Variants in SLIT3 observed in about 807,000 individuals in gnomAD.
SLIT3 encodes slit guidance ligand 3, also known as slit homolog 3 protein.
In SLIT3, 68 loss-of-function variants were observed where a neutral mutation model predicts 184.0. That is an observed-to-expected ratio of 0.37 (90% CI 0.30 to 0.45). The LOEUF (loss-of-function observed/expected upper bound fraction) is 0.45, where lower values mean the gene tolerates loss of function less well. Ranked by LOEUF, SLIT3 falls within the 20% of genes least tolerant of loss-of-function variation. The pLI is 1.00. For missense variants in SLIT3, 1,707 were observed against 2,026.0 expected, an observed-to-expected ratio of 0.84 and a Z score of 3.02; for synonymous variants, 831 against 828.6, an observed-to-expected ratio of 1.00 and a Z score of -0.05.
intron 18 of SLIT3, among the ~76,000 whole-genome samples, chr5:168,749,869 G>T (rs1754640391): frequency 6.6e-6 from 1 of 152,166 alleles, no homozygotes; most frequent in African/African-American, 2.4e-5. Context: ...CTGGCTGTGT[G>T]AACTGCCTTT....
chr5:168,715,993 G>A (rs1762714763), intron 23 of SLIT3, among the ~76,000 whole-genome samples: 3 of 149,000 alleles, frequency 2.0e-5, no homozygotes, highest in African/African-American at 7.5e-5. Flanking sequence ...TTTTCAGACA[G>A]AGTCTCACTC....
At chr5:168,671,978 C>T (rs1271194097) in intron 33 of SLIT3, among the ~76,000 whole-genome samples, 1 of 152,212 alleles carries the variant, frequency 6.6e-6, no homozygotes, top group Non-Finnish European at 1.5e-5. Flanking sequence ...CTTTGGGGTT[C>T]AGGGTTTTTA....
At chr5:168,890,137 T>TA (rs56267999) in intron 4 of SLIT3, among the ~76,000 whole-genome samples, 46,165 of 98,334 alleles carry the variant, frequency 0.47, 10,811 homozygotes, top group East Asian at 0.58. Flanking sequence ...AGACTCCATC[T>TA]AAAAAAAAAA....
intron 5 of SLIT3, among the ~76,000 whole-genome samples, chr5:168,880,913 T>C (rs1022930563): frequency 2.6e-5 from 4 of 152,212 alleles, no homozygotes; most frequent in South Asian, 2.1e-4. Flanking sequence ...AACATTTTCT[T>C]GTATGTACAT....
In SLIT3 at chr5:168,666,561, G is replaced by T; in HGVS notation, c.4465C>A (p.Pro1489Thr). 6.2e-7 allele frequency: 1 copy of T among 1,614,018 alleles called. No homozygotes were observed. Among genetic ancestry groups the T allele is most frequent in the Non-Finnish European group, 8.5e-7 (1 of 1,179,950 alleles). Residue 1489 changes from proline (P) to threonine (T), a missense_variant, in exon 36 of 36, where the codon CCC (proline) becomes ACC (threonine). Transcript: ENST00000519560. ...TATTTCCGCCGCTTGCTGCGGGTGGGCTGGCAGCACTGGGGCCCACAGCCC... is the reference window on the plus strand; with the variant it reads ...TATTTCCGCCGCTTGCTGCGGGTGGTCTGGCAGCACTGGGGCCCACAGCCC... ...RGGCGPQCCQ[P>T]TRSKRRKYVF...
intron 12 of SLIT3, among the ~76,000 whole-genome samples, chr5:168,780,623 T>G (rs1334532768): frequency 6.6e-6 from 1 of 152,260 alleles, no homozygotes; most frequent in African/African-American, 2.4e-5. Context: ...GAACGCTTAG[T>G]GAAGACACCA....
At chr5:168,755,193 C>T (rs1284365911) in intron 16 of SLIT3, among the ~76,000 whole-genome samples, 1 of 152,114 alleles carries the variant, frequency 6.6e-6, no homozygotes, top group Non-Finnish European at 1.5e-5. Context: ...AACTAACTTG[C>T]TTGCAGTCAC....
intron 4 of SLIT3, among the ~76,000 whole-genome samples, chr5:169,151,781 C>G (rs1581463354): frequency 6.6e-6 from 1 of 152,150 alleles, no homozygotes; most frequent in African/African-American, 2.4e-5. Flanking sequence ...TGGGCACATC[C>G]CTCAGTGGTC....
intron 3 of SLIT3, among the ~76,000 whole-genome samples, chr5:169,238,930 A>G (rs1765297365): frequency 6.6e-6 from 1 of 152,166 alleles, no homozygotes; most frequent in Non-Finnish European, 1.5e-5. Flanking sequence ...TCCAATGAGT[A>G]GAGATGGGTA....
At chr5:168,666,922 A>G in intron 35 of SLIT3, 1 of 673,424 alleles carries the variant, frequency 1.5e-6, no homozygotes, top group Non-Finnish European at 2.6e-6. Flanking sequence ...TATAATGATG[A>G]CAAAAGCAGG....
At chr5:169,111,768 A>T (rs931423820) in intron 4 of SLIT3, among the ~76,000 whole-genome samples, 4 of 152,206 alleles carry the variant, frequency 2.6e-5, no homozygotes, top group Non-Finnish European at 5.9e-5. Flanking sequence ...TAAATAATAA[A>T]TAAATAAAAG....
chr5:169,063,769 C>A (rs977475583), intron 4 of SLIT3, among the ~76,000 whole-genome samples: 1 of 152,232 alleles, frequency 6.6e-6, no homozygotes, highest in Non-Finnish European at 1.5e-5. Context: ...CCGGAATGTT[C>A]ATCTCGCGCT....
At chr5:168,742,514 C>A (rs1392575288) in intron 20 of SLIT3, among the ~76,000 whole-genome samples, 2 of 118,306 alleles carry the variant, frequency 1.7e-5, no homozygotes, top group African/African-American at 3.5e-5. Context: ...CTCACCACGG[C>A]CTTTGAGACA....
intron 4 of SLIT3, among the ~76,000 whole-genome samples, chr5:169,098,168 T>C (rs909679030): frequency 1.3e-5 from 2 of 152,104 alleles, no homozygotes; most frequent in African/African-American, 4.8e-5. Flanking sequence ...TGGGGTTTCA[T>C]GCCTTAGAGT....
At chr5:168,843,747 G>A (rs1264089681) in intron 6 of SLIT3, among the ~76,000 whole-genome samples, 1 of 152,206 alleles carries the variant, frequency 6.6e-6, no homozygotes, top group Non-Finnish European at 1.5e-5. Flanking sequence ...ACAGCTAGAA[G>A]TGTAGCTTTG....
chr5:168,995,473 A>G (rs1270355137), intron 4 of SLIT3: 1 of 152,226 alleles, frequency 6.6e-6, no homozygotes, highest in Non-Finnish European at 1.5e-5. Context: ...TTCTAAATCT[A>G]GTTTGTCTTC....
At chr5:169,203,962 T>C (rs1305673289) in intron 3 of SLIT3, among the ~76,000 whole-genome samples, 6 of 152,096 alleles carry the variant, frequency 3.9e-5, no homozygotes, top group Non-Finnish European at 4.4e-5. Context: ...GATATACACA[T>C]ATGGGGCACT....
intron 4 of SLIT3, among the ~76,000 whole-genome samples, chr5:169,054,766 C>T (rs12654448): frequency 0.13 from 19,323 of 152,154 alleles, 1,627 homozygotes; most frequent in East Asian, 0.42. Context: ...GCTTTTCCTA[C>T]GCTTAGAATA....
At chr5:169,150,896 G>A (rs965027452) in intron 4 of SLIT3, among the ~76,000 whole-genome samples, 6 of 152,132 alleles carry the variant, frequency 3.9e-5, no homozygotes, top group African/African-American at 1.4e-4. Flanking sequence ...GATTTCATGC[G>A]GGAGATGCTG....
Sources: allele counts gnomAD v4.1 joint callset (sites outside exome capture counted in the v4.1 genomes callset), GRCh38; gene constraint gnomAD v4.1.1; transcripts MANE v1.5; gene names NCBI Gene and HGNC (gene_info 2026-07-23, HGNC 2026-07-21).